The following CPQ variants were observed in gnomAD, a reference collection of about 807,000 sequenced individuals.
CPQ encodes Ser-Met dipeptidase.
A neutral mutation model predicts 45.7 loss-of-function variants in CPQ; 37 were observed. That is an observed-to-expected ratio of 0.81 (90% CI 0.62 to 1.07). The LOEUF is 1.07. Ranked by LOEUF, CPQ falls within the 50% of genes least tolerant of loss-of-function variation. The pLI is 0.00. For synonymous variants in CPQ, 186 were observed against 205.8 expected (o/e 0.90, Z 0.82); for missense variants, 537 against 572.9 (o/e 0.94, Z 0.64).
At chr8:96,741,607 C>T (rs957503301) in intron 1 of CPQ, among the ~76,000 whole-genome samples, 8 of 151,980 alleles carry the variant, frequency 5.3e-5, no homozygotes, top group African/African-American at 1.2e-4. Flanking sequence ...CTCTTGTGGG[C>T]GTTTAGTGCT....
chr8:96,801,896 G>T (rs1027721401), intron 2 of CPQ, among the ~76,000 whole-genome samples: 2 of 152,110 alleles, frequency 1.3e-5, no homozygotes, highest in African/African-American at 2.4e-5. Flanking sequence ...TATTGTGAAT[G>T]AATTGCAAAA....
intron 3 of CPQ, among the ~76,000 whole-genome samples, chr8:96,841,699 T>G (rs1451125278): frequency 6.6e-6 from 1 of 152,220 alleles, no homozygotes; most frequent in Non-Finnish European, 1.5e-5. Flanking sequence ...TTGGCCTTTG[T>G]GTACTGTATT....
At chr8:96,987,345 G>T (rs1489059685) in intron 5 of CPQ, among the ~76,000 whole-genome samples, 1 of 152,130 alleles carries the variant, frequency 6.6e-6, no homozygotes, top group Non-Finnish European at 1.5e-5. Context: ...CCAGAGGGAA[G>T]CTTCGCTTTG....
chr8:96,665,225 G>A (rs1199148601), intron 1 of CPQ, among the ~76,000 whole-genome samples: 1 of 151,950 alleles, frequency 6.6e-6, no homozygotes, highest in East Asian at 1.9e-4. Flanking sequence ...GAAAAAGCAA[G>A]GAAAAAACAG....
At chr8:96,845,188 C>T (rs968030136) in intron 3 of CPQ, among the ~76,000 whole-genome samples, 2 of 152,300 alleles carry the variant, frequency 1.3e-5, no homozygotes, top group African/African-American at 4.8e-5. Flanking sequence ...CTCAAACTCT[C>T]TCACACATAA....
chr8:96,815,735 C>T (rs1006750503), intron 2 of CPQ, among the ~76,000 whole-genome samples: 2 of 152,088 alleles, frequency 1.3e-5, no homozygotes, highest in Non-Finnish European at 2.9e-5. Flanking sequence ...AGGCATCCCT[C>T]GGAGATATTG....
At chr8:97,051,098 G>A (rs1461422407) in intron 6 of CPQ, among the ~76,000 whole-genome samples, 1 of 152,060 alleles carries the variant, frequency 6.6e-6, no homozygotes, top group Non-Finnish European at 1.5e-5. Flanking sequence ...ATTCCATTGA[G>A]TTTAATAATA....
chr8:96,791,855 G>A (rs143506052), intron 2 of CPQ, among the ~76,000 whole-genome samples: 6 of 152,156 alleles, frequency 3.9e-5, no homozygotes, highest in Non-Finnish European at 7.4e-5. Context: ...CCTTGATTTC[G>A]TGACCTGTGA....
At chr8:96,889,379 A>T (rs1280726632) in intron 4 of CPQ, among the ~76,000 whole-genome samples, 2 of 152,208 alleles carry the variant, frequency 1.3e-5, no homozygotes, top group Non-Finnish European at 2.9e-5. Flanking sequence ...GTTTGGGTAT[A>T]TGAGAGAAAA....
Position 96,858,240 on chromosome 8 carries a change from T to C in CPQ, c.642-21558T>C, listed in dbSNP as rs553612228. Among the ~76,000 whole-genome samples, 20 of 152,290 alleles carry C rather than the reference T, an allele frequency of 1.3e-4. No homozygotes were observed. The South Asian group carries it at 2.7e-3, about 21-fold the overall frequency. ...TTCCTGGGGGGAATCCAGGCCTTACTAGAGATCCTTCTGCACACTGTCCCC... is the reference window on the plus strand; with the variant it reads ...TTCCTGGGGGGAATCCAGGCCTTACCAGAGATCCTTCTGCACACTGTCCCC... On this transcript the variant is annotated intron_variant, in intron 3 of 7. Transcript: ENST00000220763.
chr8:96,681,075 T>G (rs1316368108), intron 1 of CPQ, among the ~76,000 whole-genome samples: 5 of 152,198 alleles, frequency 3.3e-5, no homozygotes, highest in Admixed American at 2.6e-4. Context: ...CATAAAAGTT[T>G]GGAAATTTTG....
intron 1 of CPQ, among the ~76,000 whole-genome samples, chr8:96,748,120 T>C (rs1362718473): frequency 6.6e-6 from 1 of 152,226 alleles, no homozygotes; most frequent in Non-Finnish European, 1.5e-5. Flanking sequence ...ATCAGCATTG[T>C]TTCTATTTCT....
intron 6 of CPQ, among the ~76,000 whole-genome samples, chr8:97,042,223 T>C (rs1378712364): frequency 6.6e-6 from 1 of 152,136 alleles, no homozygotes; most frequent in African/African-American, 2.4e-5. Context: ...GGAGGGTGTA[T>C]GTGTCGAGGA....
At chr8:96,955,649 C>A (rs1426644814) in intron 4 of CPQ, among the ~76,000 whole-genome samples, 2 of 152,144 alleles carry the variant, frequency 1.3e-5, no homozygotes, top group East Asian at 3.9e-4. Flanking sequence ...GTAACCAAAA[C>A]AGCATGGTAC....
intron 7 of CPQ, among the ~76,000 whole-genome samples, chr8:97,113,525 C>A (rs1357793897): frequency 6.6e-6 from 1 of 152,168 alleles, no homozygotes; most frequent in Non-Finnish European, 1.5e-5. Context: ...TGGACTGAAT[C>A]CTCAGTTTGC....
Position 96,679,620 on chromosome 8 carries a change from G to T in CPQ, c.-35+34218G>T, listed in dbSNP as rs147928579. Among the ~76,000 whole-genome samples, 3 of 151,936 alleles carry T rather than the reference G, an allele frequency of 2.0e-5. No homozygotes were observed. The South Asian group carries it at 6.2e-4, about 31-fold the overall frequency. On this transcript the variant is annotated intron_variant, in intron 1 of 7. Coordinates refer to ENST00000220763, the MANE Select transcript of CPQ (RefSeq NM_016134.4). ...AATTTTTATTCTGCTCAGGCTTTCT[G>T]TTTCTTCCTGGCTCATTCTTTGTAG...
At chr8:96,942,812 T>C (rs927143283) in intron 4 of CPQ, among the ~76,000 whole-genome samples, 2 of 152,222 alleles carry the variant, frequency 1.3e-5, no homozygotes, top group African/African-American at 4.8e-5. Flanking sequence ...CACAGACAAT[T>C]CTGATGCTGG....
At chr8:96,935,697 G>T (rs1206377754) in intron 4 of CPQ, among the ~76,000 whole-genome samples, 58 of 152,166 alleles carry the variant, frequency 3.8e-4, no homozygotes, top group Non-Finnish European at 2.8e-4. Context: ...CCATGGAAAG[G>T]CCAGTGAGGG....
chr8:97,060,088 A>G (rs1307107312), intron 6 of CPQ, among the ~76,000 whole-genome samples: 1 of 152,164 alleles, frequency 6.6e-6, no homozygotes, highest in African/African-American at 2.4e-5. Context: ...ATGAGAAGAT[A>G]AAAAACTTTT....
Sources: allele counts gnomAD v4.1 joint callset (sites outside exome capture counted in the v4.1 genomes callset), GRCh38; gene constraint gnomAD v4.1.1; transcripts MANE v1.5; gene names NCBI Gene and HGNC (gene_info 2026-07-23, HGNC 2026-07-21).